BRWD1: variants seen among roughly 807,000 people sequenced by gnomAD.
BRWD1 encodes the protein bromodomain and WD repeat-containing protein 1.
Under a neutral mutation model 251.2 loss-of-function variants are expected in BRWD1, and 82 were observed. The ratio of observed to expected loss-of-function variants is 0.33; its 90% CI spans 0.27 to 0.39. The LOEUF is 0.39. Ranked by LOEUF, BRWD1 falls within the 10% of genes least tolerant of loss-of-function variation. The pLI is 1.00. For synonymous variants in BRWD1, 918 were observed against 902.8 expected (o/e 1.02, Z -0.30); for missense variants, 2,233 against 2,711.6 (o/e 0.82, Z 3.92).
chr21:39,197,799 G>A (rs1340292513), intron 40 of BRWD1, among the ~76,000 whole-genome samples: 1 of 152,088 alleles, frequency 6.6e-6, no homozygotes, highest in East Asian at 1.9e-4. Flanking sequence ...AAACAGAAAA[G>A]GTAATGCACT....
chr21:39,268,364 C>T (rs576751263), intron 15 of BRWD1, among the ~76,000 whole-genome samples: 2 of 151,122 alleles, frequency 1.3e-5, no homozygotes, highest in Non-Finnish European at 2.9e-5. Context: ...TCACTTGAAC[C>T]CAGGAGGCGG....
Position 39,313,452 on chromosome 21 carries a change from TGAGAG to T in BRWD1, c.35_39del (p.Pro12HisfsTer58). On this transcript the variant is annotated frameshift_variant, in exon 1 of 41. Coordinates refer to ENST00000342449, the MANE Select transcript of BRWD1 (RefSeq NM_033656.4). LOFTEE classifies it high-confidence loss of function. ...CGGCCTCGCGTCTTACCCGACTCGA[TGAGAG>T]GCACCGGGCGTCGGGCGGACGACGG... The T allele has an allele frequency of 7.4e-7, 1 of 1,356,576 alleles. No homozygotes were observed. Among genetic ancestry groups the T allele is most frequent in the Non-Finnish European group, 9.4e-7 (1 of 1,059,176 alleles). 84.0% of individuals were successfully genotyped at this position (1,356,576 alleles called of 1,614,324 possible).
chr21:39,228,576 A>G lies in BRWD1; in HGVS notation c.3132T>C (p.His1044=). The G allele has an allele frequency of 6.2e-7, 1 of 1,607,484 alleles. No individual in the cohort carries two copies. The highest frequency in any genetic ancestry group is 8.5e-7 in the Non-Finnish European group (1 of 1,174,470). Residue 1044 remains histidine, a synonymous_variant, in exon 27 of 41, where the codon CAT becomes CAC. Transcript: ENST00000342449. ...LMDKSFSIRY[H]DMPDVIDFLV... is the part of the protein sequence containing the mutation. ...GAAAGTCAATAACATCTGGCATATC[A>G]TGATATCTAGACAAAAATTTAAAAA...
Position 39,199,246 on chromosome 21 carries a change from T to C in BRWD1, c.5170A>G (p.Ser1724Gly). 6.2e-7 allele frequency: 1 copy of C among 1,614,204 alleles called. No individual in the cohort carries two copies. Among genetic ancestry groups the C allele is most frequent in the Non-Finnish European group, 8.5e-7 (1 of 1,180,036 alleles). Residue 1724 changes from serine to glycine, a missense_variant, in exon 40 of 41, where the codon AGT becomes GGT. Ser to Gly is a moderately conservative substitution (Grantham distance 56, BLOSUM62 0). This residue lies in a region of BRWD1 where 928 missense variants were observed against 970.0 expected (regional missense o/e 0.96). Transcript: ENST00000342449. Reference protein sequence around the residue: ...ESENRDSESESDLRVARKNWH... With the variant: ...ESENRDSESEGDLRVARKNWH... Reference sequence around the variant, plus strand: ...TTTTTCCGGGCTACCCGCAAATCACTTTCTGACTCTGAGTCTCTGTTTTCA... The same window carrying C: ...TTTTTCCGGGCTACCCGCAAATCACCTTCTGACTCTGAGTCTCTGTTTTCA...
At chr21:39,294,738 A>G (rs926462773) in intron 7 of BRWD1, among the ~76,000 whole-genome samples, 1 of 152,280 alleles carries the variant, frequency 6.6e-6, no homozygotes, top group Non-Finnish European at 1.5e-5. Flanking sequence ...TATACTTCAT[A>G]GTGTGAGAAA....
intron 4 of BRWD1, among the ~76,000 whole-genome samples, chr21:39,309,488 T>C (rs543691669): frequency 1.3e-5 from 2 of 152,088 alleles, no homozygotes; most frequent in South Asian, 4.2e-4. Context: ...AGTCAATGCA[T>C]GTATGGACCT....
intron 32 of BRWD1, among the ~76,000 whole-genome samples, chr21:39,214,152 G>C (rs951976278): frequency 7.9e-5 from 12 of 152,012 alleles, no homozygotes; most frequent in African/African-American, 2.9e-4. Context: ...AAGCTGACAA[G>C]AATCAGTTAC....
At chr21:39,226,052 T>G (rs2033370165) in intron 27 of BRWD1, among the ~76,000 whole-genome samples, 1 of 152,298 alleles carries the variant, frequency 6.6e-6, no homozygotes, top group Admixed American at 6.5e-5. Flanking sequence ...AGAGAGTCTT[T>G]GATATAAAAA....
chr21:39,289,527 C>A (rs1161122736), intron 8 of BRWD1, among the ~76,000 whole-genome samples: 7 of 152,024 alleles, frequency 4.6e-5, no homozygotes, highest in African/African-American at 1.7e-4. Flanking sequence ...GGGATCACAT[C>A]CCCACCTAAA....
At chr21:39,239,309 G>GT (rs1251515178) in intron 21 of BRWD1, among the ~76,000 whole-genome samples, 3 of 151,900 alleles carry the variant, frequency 2.0e-5, no homozygotes, top group African/African-American at 7.3e-5. Flanking sequence ...AAGTTTTATG[G>GT]TTTTTTTGTT....
At position 39,191,126 on chromosome 21, in the gene BRWD1, A is replaced by G; in HGVS notation, c.*5133T>C. On this transcript the variant is annotated 3_prime_UTR_variant, in exon 41 of 41. Transcript: ENST00000342449. ...AGAGCATTTCACACTAAATGCAGGCAGAATCAGAAGTAAATACTTGTTTTC... is the reference window on the plus strand; with the variant it reads ...AGAGCATTTCACACTAAATGCAGGCGGAATCAGAAGTAAATACTTGTTTTC... The G allele has an allele frequency of 1.0e-6, 1 of 985,396 alleles. No homozygotes were observed. Among genetic ancestry groups the G allele is most frequent in the Non-Finnish European group, 1.2e-6 (1 of 829,914 alleles). The allele number at this position is 985,396 out of a possible 1,614,324, so 61.0% of individuals were successfully genotyped here.
chr21:39,310,981 G>C (rs2036462491), intron 4 of BRWD1, among the ~76,000 whole-genome samples: 1 of 152,090 alleles, frequency 6.6e-6, no homozygotes, highest in Non-Finnish European at 1.5e-5. Flanking sequence ...TGGGGGACTG[G>C]AGGGCAGAGA....
intron 39 of BRWD1, 74 bp downstream of exon 39, chr21:39,200,145 C>G (rs930757655): frequency 4.5e-6 from 6 of 1,348,268 alleles, no homozygotes; most frequent in Non-Finnish European, 5.1e-6. Context: ...TGCATTAAAT[C>G]GAGAATCTAT....
chr21:39,207,222 G>T (rs2146484740), intron 36 of BRWD1, among the ~76,000 whole-genome samples: 1 of 152,122 alleles, frequency 6.6e-6, no homozygotes, highest in African/African-American at 2.4e-5. Context: ...ATCACTTGAG[G>T]TCAAGGGTTC....
chr21:39,281,299 G>C (rs569956218), intron 8 of BRWD1, among the ~76,000 whole-genome samples: 11 of 152,122 alleles, frequency 7.2e-5, no homozygotes, highest in Non-Finnish European at 1.3e-4. Flanking sequence ...AAAGCCAAGA[G>C]GGAACCCAGT....
chr21:39,213,894 GTTGAT>G (rs1455346174), intron 32 of BRWD1, among the ~76,000 whole-genome samples: 2 of 150,654 alleles, frequency 1.3e-5, no homozygotes, highest in African/African-American at 4.9e-5. Context: ...CAGGAAAACA[GTTGAT>G]TTAAGGTAAA....
At chr21:39,292,420 T>C (rs974049746) in intron 8 of BRWD1, among the ~76,000 whole-genome samples, 2 of 152,146 alleles carry the variant, frequency 1.3e-5, no homozygotes, top group African/African-American at 2.4e-5. Context: ...CAGTGAGTAA[T>C]ACAAAAAACA....
chr21:39,304,537 C>T (rs2036223708), intron 4 of BRWD1, among the ~76,000 whole-genome samples: 1 of 151,912 alleles, frequency 6.6e-6, no homozygotes, highest in African/African-American at 2.4e-5. Flanking sequence ...TCCCTTGAAC[C>T]CAGGAGGTCA....
intron 31 of BRWD1, chr21:39,217,065 A>T (rs1601299655): frequency 1.2e-4 from 1 of 8,592 alleles, no homozygotes; most frequent in Non-Finnish European, 2.6e-4. Flanking sequence ...ATATATATAT[A>T]TATATATATA....
Sources: allele counts gnomAD v4.1 joint callset (sites outside exome capture counted in the v4.1 genomes callset), GRCh38; gene constraint gnomAD v4.1.1; regional missense constraint gnomAD v4.1.1; transcripts MANE v1.5; gene names NCBI Gene and HGNC (gene_info 2026-07-23, HGNC 2026-07-21).